Variants in C2CD3 observed in about 807,000 individuals in gnomAD.
The protein encoded by C2CD3 is C2 domain containing 3 centriole elongation regulator, also known as C2 domain-containing protein 3.
Under a neutral mutation model 234.0 loss-of-function variants are expected in C2CD3, and 148 were observed. That is an observed-to-expected ratio of 0.63 (90% CI 0.55 to 0.72). The LOEUF (loss-of-function observed/expected upper bound fraction) is 0.72. C2CD3 is among the 30% of genes least tolerant of loss of function. The probability of loss-of-function intolerance (pLI) is 0.00; values close to 1 mark genes in which losing one functional copy is unlikely to be tolerated. For missense variants in C2CD3, 2,577 were observed against 2,811.5 expected, an observed-to-expected ratio of 0.92 and a Z score of 1.89; for synonymous variants, 1,000 against 1,035.4, an observed-to-expected ratio of 0.97 and a Z score of 0.66.
At position 74,074,328 on chromosome 11, in the gene C2CD3, C is replaced by A; in HGVS notation, c.4876G>T (p.Glu1626Ter). 1.2e-6 allele frequency: 2 copies of A among 1,614,246 alleles called. No homozygotes were observed. The highest frequency in any genetic ancestry group is 1.7e-6 in the Non-Finnish European group (2 of 1,180,048). ...STTAEVRLTQ[E>*]GPADLDGTFA... ...GTTCCATCCAAATCAGCAGGGCCCTCCTGCGTCAGGCGGACTTCAGCTGTG... is the reference window on the plus strand; with the variant it reads ...GTTCCATCCAAATCAGCAGGGCCCTACTGCGTCAGGCGGACTTCAGCTGTG... Residue 1626 changes from glutamate to a stop codon, truncating the protein, a stop_gained, in exon 24 of 33, where the codon GAG (glutamate) becomes TAG (stop). Transcript: ENST00000334126. LOFTEE classifies it high-confidence loss of function.
intron 7 of C2CD3, among the ~76,000 whole-genome samples, chr11:74,132,365 CA>C (rs1005015562): frequency 2.7e-5 from 4 of 150,800 alleles, no homozygotes; most frequent in African/African-American, 4.9e-5. Flanking sequence ...AAACAAAAAA[CA>C]AAAAAAAACC....
chr11:74,040,164 C>T (rs1952956252), intron 29 of C2CD3, among the ~76,000 whole-genome samples: 1 of 152,206 alleles, frequency 6.6e-6, no homozygotes, highest in African/African-American at 2.4e-5. Context: ...CTCATAGGAG[C>T]ACAAACCCTA....
chr11:74,055,031 T>C (rs1591348959), intron 25 of C2CD3, among the ~76,000 whole-genome samples: 1 of 152,092 alleles, frequency 6.6e-6, no homozygotes, highest in African/African-American at 2.4e-5. Flanking sequence ...AATGAGAGAA[T>C]GGAGAGAAGG....
chr11:74,019,695 C>T (rs11235974), intron 32 of C2CD3, among the ~76,000 whole-genome samples: 15,617 of 150,652 alleles, frequency 0.1, 2,541 homozygotes, highest in African/African-American at 0.35. Context: ...TTTTTTTTTT[C>T]AGACACAGTT....
intron 17 of C2CD3, 127 bp from the exon 18 acceptor site, chr11:74,094,126 A>G (rs1956012359): frequency 1.6e-6 from 1 of 640,168 alleles, no homozygotes; most frequent in African/African-American, 1.9e-5. Context: ...AGGTCCCATG[A>G]TAATACAGAA....
chr11:74,165,295 T>C (rs896012794), intron 2 of C2CD3, among the ~76,000 whole-genome samples: 3 of 152,204 alleles, frequency 2.0e-5, no homozygotes, highest in Middle Eastern at 3.2e-3. Context: ...ATGTTAATTC[T>C]GGCACAGCCT....
chr11:74,092,907 C>T (rs1381315773), intron 18 of C2CD3, among the ~76,000 whole-genome samples: 3 of 152,090 alleles, frequency 2.0e-5, no homozygotes. Flanking sequence ...GTGGAGTAGG[C>T]CCAATATCTT....
chr11:74,112,044 T>C (rs936388937), intron 11 of C2CD3, among the ~76,000 whole-genome samples: 1 of 152,078 alleles, frequency 6.6e-6, no homozygotes, highest in East Asian at 1.9e-4. Context: ...ACAATCTTGA[T>C]TGTCTGCAAG....
intron 3 of C2CD3, among the ~76,000 whole-genome samples, chr11:74,146,295 A>G (rs1014145748): frequency 3.9e-5 from 6 of 152,240 alleles, no homozygotes; most frequent in Non-Finnish European, 8.8e-5. Context: ...CATCTAACCA[A>G]AATTAGTTAT....
intron 25 of C2CD3, among the ~76,000 whole-genome samples, chr11:74,056,201 A>C (rs1226774455): frequency 6.6e-6 from 1 of 152,258 alleles, no homozygotes; most frequent in Non-Finnish European, 1.5e-5. Flanking sequence ...AGAAAACAGA[A>C]GACCAGACAC....
intron 5 of C2CD3, among the ~76,000 whole-genome samples, chr11:74,135,174 C>A (rs1478026013): frequency 1.3e-5 from 2 of 150,964 alleles, no homozygotes; most frequent in Non-Finnish European, 3.0e-5. Flanking sequence ...ACCCCAAGAT[C>A]CCCATTGCCT....
chr11:74,098,608 G>A (rs1956200080), intron 15 of C2CD3, among the ~76,000 whole-genome samples: 1 of 152,144 alleles, frequency 6.6e-6, no homozygotes, highest in Non-Finnish European at 1.5e-5. Context: ...GGACTTTGGT[G>A]TCTGACAGAT....
At chr11:74,087,013 T>G (rs1955668782) in intron 20 of C2CD3, among the ~76,000 whole-genome samples, 2 of 152,228 alleles carry the variant, frequency 1.3e-5, no homozygotes, top group Non-Finnish European at 2.9e-5. Context: ...CTCAGTTTCC[T>G]CTTCACTAAG....
At chr11:74,106,586 A>G (rs1956529167) in intron 12 of C2CD3, 93 bp from the exon 13 acceptor site, 2 of 1,197,800 alleles carry the variant, frequency 1.7e-6, no homozygotes, top group African/African-American at 1.5e-5. Context: ...CTTATAAAGG[A>G]AACCATTCAG....
intron 27 of C2CD3, among the ~76,000 whole-genome samples, chr11:74,048,867 C>T (rs57884237): frequency 0.079 from 11,351 of 144,290 alleles, 1,376 homozygotes; most frequent in African/African-American, 0.28. Context: ...ATAGAGGTCC[C>T]GTATTTTTGA....
rs957065746 is a variant in C2CD3, at chr11:74,109,896, C to T, written c.1844-744G>A. ...GACCATCCTGGCTAACATGGTGAAA[C>T]CCCGTCTCTACTAAAAATACAACAA... On this transcript the variant is annotated intron_variant, in intron 11 of 32. Transcript: ENST00000334126. 6.2e-4 allele frequency among the ~76,000 whole-genome samples: 94 copies of T among 151,030 alleles called. 1 individual carries two copies. Among genetic ancestry groups the T allele is most frequent in the African/African-American group, 2.2e-3 (89 of 40,790 alleles).
chr11:74,080,824 T>C (rs1955319064), intron 22 of C2CD3, among the ~76,000 whole-genome samples: 1 of 152,190 alleles, frequency 6.6e-6, no homozygotes, highest in African/African-American at 2.4e-5. Context: ...AAGATTTTAT[T>C]AAATGCTTTA....
At chr11:74,101,967 T>C (rs1386625640) in intron 14 of C2CD3, among the ~76,000 whole-genome samples, 1 of 152,040 alleles carries the variant, frequency 6.6e-6, no homozygotes, top group Non-Finnish European at 1.5e-5. Context: ...AGAAAGGTCA[T>C]TCTCATTGGT....
intron 19 of C2CD3, among the ~76,000 whole-genome samples, chr11:74,092,038 G>A (rs1430870599): frequency 6.6e-6 from 1 of 151,528 alleles, no homozygotes; most frequent in African/African-American, 2.4e-5. Context: ...ATATATGTGT[G>A]TGTGTGTGTA....
Sources: allele counts gnomAD v4.1 joint callset (sites outside exome capture counted in the v4.1 genomes callset), GRCh38; gene constraint gnomAD v4.1.1; transcripts MANE v1.5; gene names NCBI Gene and HGNC (gene_info 2026-07-23, HGNC 2026-07-21).